Variants in RGS7 observed in about 807,000 individuals in gnomAD.
The protein encoded by RGS7 is regulator of G-protein signaling 7.
A neutral mutation model predicts 81.1 loss-of-function variants in RGS7; 27 were observed. That is an observed-to-expected ratio of 0.33 (90% CI 0.25 to 0.46). RGS7 has a LOEUF of 0.46. Ranked by LOEUF, RGS7 falls within the 20% of genes least tolerant of loss-of-function variation. The pLI is 1.00. For synonymous variants in RGS7, 208 were observed against 207.7 expected (o/e 1.00, Z -0.01); for missense variants, 396 against 607.4 (o/e 0.65, Z 3.66).
At chr1:240,925,280 A>G (rs1476555440) in intron 6 of RGS7, among the ~76,000 whole-genome samples, 1 of 151,968 alleles carries the variant, frequency 6.6e-6, no homozygotes, top group Non-Finnish European at 1.5e-5. Flanking sequence ...CCCCTCCATC[A>G]TTCCCCCCAC....
intron 6 of RGS7, among the ~76,000 whole-genome samples, chr1:240,883,236 C>T (rs1003808187): frequency 6.6e-6 from 1 of 151,774 alleles, no homozygotes; most frequent in African/African-American, 2.4e-5. Context: ...TGCTAAATGA[C>T]GAGTTAATGG....
In RGS7 at chr1:240,808,861, A is replaced by G. The variant is rs79979992; in HGVS notation, c.1083-2535T>C. ...CTGAACTGCAGCCTGGGTGTCAGAG[A>G]AAGATCCCATCTCTCTTAAAAAAAA... is the stretch of plus-strand genomic sequence containing the variant. On this transcript the variant is annotated intron_variant, in intron 14 of 18. Transcript: ENST00000440928. Among the ~76,000 whole-genome samples, 459 of 149,982 alleles carry G rather than the reference A, an allele frequency of 3.1e-3. 2 individuals carry two copies. The highest frequency in any genetic ancestry group is 0.01 in the African/African-American group (416 of 40,786).
chr1:241,083,841 A>T (rs2063287697), intron 3 of RGS7, among the ~76,000 whole-genome samples: 1 of 152,160 alleles, frequency 6.6e-6, no homozygotes, highest in African/African-American at 2.4e-5. Flanking sequence ...TTTCTCTCTT[A>T]ATTTCTATAG....
intron 3 of RGS7, among the ~76,000 whole-genome samples, chr1:241,014,693 A>G (rs1451009842): frequency 1.3e-5 from 2 of 152,246 alleles, no homozygotes; most frequent in African/African-American, 2.4e-5. Context: ...TGTTCCAGGA[A>G]GCACCATGAT....
chr1:241,220,984 AGG>A (rs1558203115), intron 2 of RGS7, among the ~76,000 whole-genome samples: 15 of 46,686 alleles, frequency 3.2e-4, no homozygotes, highest in Non-Finnish European at 7.0e-4. Flanking sequence ...GAAGGAAGGA[AGG>A]AAGGAAGGAA....
At chr1:240,790,384 C>G (rs1685784083) in intron 18 of RGS7, among the ~76,000 whole-genome samples, 1 of 152,086 alleles carries the variant, frequency 6.6e-6, no homozygotes, top group African/African-American at 2.4e-5. Flanking sequence ...AACTCCTGGC[C>G]TTAAGTGATC....
In RGS7 at chr1:241,164,593, C is replaced by A. The variant is rs1338549760; in HGVS notation, c.79-65831G>T. Among the ~76,000 whole-genome samples, 1 of 152,120 alleles carries A rather than the reference C, an allele frequency of 6.6e-6. No individual in the cohort carries two copies. The highest frequency in any genetic ancestry group is 2.4e-5 in the African/African-American group (1 of 41,426). ...CTACAATATCACAGGAGTCCTTGACCAAACTAGATAGGCCAGGTCTGGCAG... is the reference window on the plus strand; with the variant it reads ...CTACAATATCACAGGAGTCCTTGACAAAACTAGATAGGCCAGGTCTGGCAG... On this transcript the variant is annotated intron_variant, in intron 2 of 18. Coordinates refer to ENST00000440928, the MANE Select transcript of RGS7 (RefSeq NM_001364886.1). The surrounding 1 kb of genome is among the most constrained non-coding windows in gnomAD (Gnocchi z 4.1).
chr1:241,200,622 T>C (rs1443206906), intron 2 of RGS7, among the ~76,000 whole-genome samples: 1 of 152,192 alleles, frequency 6.6e-6, no homozygotes, highest in East Asian at 1.9e-4. Flanking sequence ...CTCCAACCTC[T>C]TGTTTCACAG....
At chr1:240,833,320 T>C (rs1558323417) in intron 9 of RGS7, among the ~76,000 whole-genome samples, 1 of 152,230 alleles carries the variant, frequency 6.6e-6, no homozygotes, top group African/African-American at 2.4e-5. Flanking sequence ...TTCATCATGC[T>C]ACTCAGAATG....
intron 6 of RGS7, among the ~76,000 whole-genome samples, chr1:240,876,393 T>C (rs760080437): frequency 6.6e-6 from 1 of 152,156 alleles, no homozygotes; most frequent in Non-Finnish European, 1.5e-5. Flanking sequence ...CCTTAGACCC[T>C]TGATGTGAGC....
chr1:241,238,966 C>CTTTT (rs66468032), intron 2 of RGS7, among the ~76,000 whole-genome samples: 2 of 106,646 alleles, frequency 1.9e-5, no homozygotes, highest in Non-Finnish European at 3.6e-5. Flanking sequence ...GCCTCTCTCT[C>CTTTT]TTTTTTTTTT....
At chr1:240,805,215 C>CAA (rs34255194) in intron 15 of RGS7, among the ~76,000 whole-genome samples, 2,652 of 148,938 alleles carry the variant, frequency 0.018, 44 homozygotes, top group Non-Finnish European at 0.022. Flanking sequence ...CCTGTCTCTA[C>CAA]AAAAAAAAAT....
intron 18 of RGS7, among the ~76,000 whole-genome samples, chr1:240,779,099 T>TTGTGTGTGTGTGTG (rs71172643): frequency 3.5e-5 from 5 of 144,300 alleles, no homozygotes; most frequent in African/African-American, 1.3e-4. Flanking sequence ...TTAGTGTTCT[T>TTGTGTGTGTGTGTG]TGTGTGTGTG....
intron 2 of RGS7, chr1:241,132,200 G>A (rs2067146682): frequency 6.5e-6 from 1 of 154,664 alleles, no homozygotes; most frequent in African/African-American, 2.4e-5. Context: ...TCATTAAAAT[G>A]TAAAAGAACT....
At chr1:240,786,435 T>C (rs1354053997) in intron 18 of RGS7, among the ~76,000 whole-genome samples, 7 of 152,238 alleles carry the variant, frequency 4.6e-5, no homozygotes, top group African/African-American at 1.7e-4. Flanking sequence ...CATTAGTTGG[T>C]AAGGAAATCA....
chr1:240,816,306 G>A lies in RGS7; in HGVS notation c.783+11C>T. 6.4e-7 allele frequency: 1 copy of A among 1,564,962 alleles called. No homozygotes were observed. The stretch of plus-strand genomic sequence containing the variant: ...TAAACCTTTAACAGGTCATCTCATA[G>A]GTTGACTCACCTGTTGTTGTAACTC... On this transcript the variant is annotated intron_variant, in intron 11 of 18. Transcript: ENST00000440928.
intron 3 of RGS7, among the ~76,000 whole-genome samples, chr1:241,035,144 A>G (rs2060262242): frequency 6.6e-6 from 1 of 152,210 alleles, no homozygotes; most frequent in South Asian, 2.1e-4. Flanking sequence ...ATTTGGCAGT[A>G]TAGAGCTAGA....
chr1:241,171,117 T>C (rs138722315), intron 2 of RGS7, among the ~76,000 whole-genome samples: 11 of 152,352 alleles, frequency 7.2e-5, no homozygotes, highest in Middle Eastern at 6.8e-3. Flanking sequence ...GTTCATTATG[T>C]TCTATTTAAA....
intron 2 of RGS7, among the ~76,000 whole-genome samples, chr1:241,283,674 C>T (rs1437613963): frequency 1.3e-5 from 2 of 152,066 alleles, no homozygotes; most frequent in African/African-American, 2.4e-5. Context: ...TTGCCAAATT[C>T]GTGAATTTTT....
Sources: allele counts gnomAD v4.1 joint callset (sites outside exome capture counted in the v4.1 genomes callset), GRCh38; gene constraint gnomAD v4.1.1; non-coding constraint Gnocchi (gnomAD v3.1); transcripts MANE v1.5; gene names NCBI Gene and HGNC (gene_info 2026-07-23, HGNC 2026-07-21).